CPS1: variants seen among roughly 807,000 people sequenced by gnomAD.
The protein encoded by CPS1 is carbamoyl-phosphate synthase 1, also known as carbamoyl-phosphate synthase [ammonia], mitochondrial.
A neutral mutation model predicts 174.6 loss-of-function variants in CPS1; 109 were observed. That is an observed-to-expected ratio of 0.62 (90% CI 0.53 to 0.73). CPS1 has a LOEUF of 0.73. Among genes scored for constraint, CPS1 ranks in the 30% least tolerant of loss-of-function variants. CPS1 has a pLI of 0.00. For synonymous variants in CPS1, 637 were observed against 632.0 expected, an observed-to-expected ratio of 1.01 and a Z score of -0.12; for missense variants, 1,689 against 1,821.9, an observed-to-expected ratio of 0.93 and a Z score of 1.33.
chr2:210,550,016 T>C (rs1696684778), intron 1 of CPS1, among the ~76,000 whole-genome samples: 1 of 152,038 alleles, frequency 6.6e-6, no homozygotes, highest in Non-Finnish European at 1.5e-5. Context: ...TTCTTTGCTA[T>C]TTTAGGTAAG....
chr2:210,653,991 A>C (rs760788689), intron 28 of CPS1, 34 bp from the exon 29 acceptor site: 13 of 1,562,106 alleles, frequency 8.3e-6, no homozygotes, highest in Non-Finnish European at 1.1e-5. Flanking sequence ...AGCGTTAGCT[A>C]AATGTTCGGC....
chr2:210,659,410 C>T (rs987366274), intron 31 of CPS1, among the ~76,000 whole-genome samples: 1 of 152,112 alleles, frequency 6.6e-6, no homozygotes, highest in South Asian at 2.1e-4. Context: ...AATTAATTTA[C>T]TCCTACCAGA....
At chr2:210,629,847 G>C (rs1180705258) in intron 21 of CPS1, among the ~76,000 whole-genome samples, 1 of 147,202 alleles carries the variant, frequency 6.8e-6, no homozygotes, top group African/African-American at 2.5e-5. Flanking sequence ...TCAGGAGATC[G>C]AGACCATCCT....
intron 13 of CPS1, among the ~76,000 whole-genome samples, chr2:210,597,181 G>T (rs920428379): frequency 1.3e-5 from 2 of 151,792 alleles, no homozygotes; most frequent in African/African-American, 4.8e-5. Flanking sequence ...AACTTCTGTT[G>T]CTGGTATGTT....
chr2:210,662,818 C>T (rs1027077999), intron 32 of CPS1, among the ~76,000 whole-genome samples: 1 of 152,192 alleles, frequency 6.6e-6, no homozygotes, highest in Non-Finnish European at 1.5e-5. Flanking sequence ...TGAAATCATT[C>T]CAATAGGAAT....
intron 1 of CPS1, among the ~76,000 whole-genome samples, chr2:210,557,796 G>C (rs1295022391): frequency 6.6e-6 from 1 of 152,086 alleles, no homozygotes; most frequent in Non-Finnish European, 1.5e-5. Context: ...GGAACTCACA[G>C]TTTGGAGTGT....
intron 7 of CPS1, 151 bp downstream of exon 7, chr2:210,588,298 A>G: frequency 1.3e-6 from 1 of 741,318 alleles, no homozygotes; most frequent in Non-Finnish European, 2.3e-6. Context: ...AAAATAACAC[A>G]TTTATCCCTG....
chr2:210,592,436 T>C (rs892194042), intron 10 of CPS1, among the ~76,000 whole-genome samples: 4 of 151,946 alleles, frequency 2.6e-5, no homozygotes, highest in African/African-American at 9.7e-5. Context: ...TCAATGTTAG[T>C]GGGCTGTTGG....
intron 20 of CPS1, among the ~76,000 whole-genome samples, chr2:210,612,846 G>A (rs1344928604): frequency 6.6e-6 from 1 of 151,780 alleles, no homozygotes; most frequent in Non-Finnish European, 1.5e-5. Context: ...CAGGAAAAAA[G>A]GCCCTACATT....
At chr2:210,658,450 C>A in intron 30 of CPS1, 149 bp from the exon 31 acceptor site, 1 of 641,736 alleles carries the variant, frequency 1.6e-6, no homozygotes. Flanking sequence ...CCTAATAGTG[C>A]CCTCCATTAT....
chr2:210,577,176 G>A, intron 3 of CPS1: 1 of 539,900 alleles, frequency 1.9e-6, no homozygotes, highest in South Asian at 2.2e-5. Flanking sequence ...TGTCAGAAGG[G>A]GGACCTAGTT....
chr2:210,545,799 GA>G (rs139259050), intron 1 of CPS1, among the ~76,000 whole-genome samples: 2 of 152,014 alleles, frequency 1.3e-5, no homozygotes, highest in Admixed American at 6.6e-5. Context: ...TATTGGCTGG[GA>G]AAAAAAGTGT....
At position 210,677,007 on chromosome 2, in the gene CPS1, A is replaced by C. The variant is rs921134914; in HGVS notation, c.4275A>C (p.Lys1425Asn). 3.1e-6 allele frequency: 5 copies of C among 1,613,190 alleles called. No homozygotes were observed. In the African/African-American group the frequency reaches 6.7e-5, roughly 22 times the overall value. The change falls in exon 37 of 38, where the codon AAA becomes AAC. Residue 1425 changes from lysine (K) to asparagine (N), a missense_variant and splice_region_variant. Lys to Asn is a moderately conservative substitution (Grantham distance 94). Coordinates refer to ENST00000233072, the MANE Select transcript of CPS1 (RefSeq NM_001875.5). ...GQNPSLSSIR[K>N]LIRDGSIDLV... ...TATAAGTTTTTGTTTATTTTTCCAG[A>C]TTGATTAGAGATGGCAGCATTGACC...
At chr2:210,533,848 A>G (rs979610253) in intron 1 of CPS1, among the ~76,000 whole-genome samples, 2 of 152,184 alleles carry the variant, frequency 1.3e-5, no homozygotes, top group South Asian at 2.1e-4. Flanking sequence ...ATGATCATTC[A>G]TAAACACTGT....
intron 1 of CPS1, among the ~76,000 whole-genome samples, chr2:210,569,922 G>A (rs1697421609): frequency 6.6e-6 from 1 of 151,920 alleles, no homozygotes; most frequent in Non-Finnish European, 1.5e-5. Context: ...CTAATTCCTA[G>A]CCTGTGGACC....
chr2:210,674,141 A>G (rs79585301), intron 34 of CPS1: 4,089 of 152,290 alleles, frequency 0.027, 89 homozygotes, highest in Non-Finnish European at 0.044. Context: ...AAAATGGCCT[A>G]GTTATTGAAG....
chr2:210,574,005 T>C (rs1438755566), intron 2 of CPS1, among the ~76,000 whole-genome samples: 1 of 152,152 alleles, frequency 6.6e-6, no homozygotes, highest in Middle Eastern at 3.4e-3. Flanking sequence ...CCTGCTAACA[T>C]GTACAGCAAT....
At chr2:210,531,134 A>G (rs772092939) in intron 1 of CPS1, among the ~76,000 whole-genome samples, 14 of 152,046 alleles carry the variant, frequency 9.2e-5, no homozygotes, top group Non-Finnish European at 8.8e-5. Flanking sequence ...GATCTCTAAT[A>G]TAGAAAAAAT....
intron 1 of CPS1, among the ~76,000 whole-genome samples, chr2:210,541,466 G>C (rs1402551228): frequency 3.3e-5 from 5 of 152,148 alleles, no homozygotes; most frequent in Non-Finnish European, 7.4e-5. Context: ...CTGTACAGCA[G>C]CTGCAACTCG....
Sources: allele counts gnomAD v4.1 joint callset (sites outside exome capture counted in the v4.1 genomes callset), GRCh38; gene constraint gnomAD v4.1.1; transcripts MANE v1.5; gene names NCBI Gene and HGNC (gene_info 2026-07-23, HGNC 2026-07-21).